Variants in SNX29 observed in about 807,000 individuals in gnomAD.
The protein encoded by SNX29 is sorting nexin-29.
Under a neutral mutation model 102.1 loss-of-function variants are expected in SNX29, and 78 were observed. That is an observed-to-expected ratio of 0.76 (90% CI 0.64 to 0.92). SNX29 has a LOEUF of 0.92. SNX29 is among the 40% of genes least tolerant of loss of function. The pLI, the probability that SNX29 is intolerant of heterozygous loss-of-function variation, is 0.00. For synonymous variants in SNX29, 580 were observed against 414.5 expected, an observed-to-expected ratio of 1.40 and a Z score of -4.85; for missense variants, 1,280 against 1,061.7, an observed-to-expected ratio of 1.21 and a Z score of -2.86.
intron 20 of SNX29, among the ~76,000 whole-genome samples, chr16:12,548,487 T>G (rs989542666): frequency 6.6e-6 from 1 of 152,222 alleles, no homozygotes; most frequent in African/African-American, 2.4e-5. Flanking sequence ...TCAGGATGAC[T>G]AGTCAGGGTT....
At chr16:12,510,323 A>G (rs1415219523) in intron 19 of SNX29, among the ~76,000 whole-genome samples, 1 of 152,184 alleles carries the variant, frequency 6.6e-6, no homozygotes, top group Non-Finnish European at 1.5e-5. Flanking sequence ...TGGACCGTGG[A>G]GGCCCTGGCA....
intron 15 of SNX29, among the ~76,000 whole-genome samples, chr16:12,342,985 A>C (rs1331156642): frequency 6.6e-6 from 1 of 152,236 alleles, no homozygotes; most frequent in Non-Finnish European, 1.5e-5. Flanking sequence ...GTTGGGTGTG[A>C]GAAAGAGACT....
At chr16:12,553,828 C>G (rs980121453) in intron 20 of SNX29, among the ~76,000 whole-genome samples, 69 of 151,966 alleles carry the variant, frequency 4.5e-4, no homozygotes, top group African/African-American at 1.5e-3. Flanking sequence ...CCTTGTGATC[C>G]ACCCACCTAG....
intron 14 of SNX29, among the ~76,000 whole-genome samples, chr16:12,240,163 T>C (rs1327296964): frequency 2.0e-5 from 3 of 152,256 alleles, no homozygotes; most frequent in African/African-American, 4.8e-5. Context: ...TTTGTTGTTA[T>C]TACTGCCATG....
intron 15 of SNX29, among the ~76,000 whole-genome samples, chr16:12,327,877 A>G (rs1416872154): frequency 6.6e-6 from 1 of 152,176 alleles, no homozygotes; most frequent in African/African-American, 2.4e-5. Context: ...ACTGAGGGCC[A>G]GGTGGACAGG....
At chr16:12,328,901 A>G (rs905812813) in intron 15 of SNX29, among the ~76,000 whole-genome samples, 1 of 152,172 alleles carries the variant, frequency 6.6e-6, no homozygotes, top group Non-Finnish European at 1.5e-5. Context: ...TGATGTCGGG[A>G]CACTGTCTCC....
At position 12,227,148 on chromosome 16, in the gene SNX29, A is replaced by AC. The variant is rs1309652830; in HGVS notation, c.1678+27465_1678+27466insC. Among the ~76,000 whole-genome samples the AC allele has an allele frequency of 4.8e-3, 5 of 1,048 alleles. No homozygotes were observed. The Admixed American group carries it at 0.062, about 13-fold the overall frequency. 0.7% of individuals were successfully genotyped at this position (1,048 alleles called of 152,430 possible). On this transcript the variant is annotated intron_variant, in intron 14 of 20. Coordinates refer to ENST00000566228, the MANE Select transcript of SNX29 (RefSeq NM_032167.5). ...TGCAGTGCATCTGGGGGTCTGGCGGATTGGGTGCTGCTTTTCTGGGGACAT... is the reference window on the plus strand; with the variant it reads ...TGCAGTGCATCTGGGGGTCTGGCGGACTTGGGTGCTGCTTTTCTGGGGACAT...
rs777713663 is a variant in SNX29, at chr16:12,568,470, C to A, written c.2319-36C>A. The A allele has an allele frequency of 1.6e-5, 26 of 1,605,548 alleles. No homozygotes were observed. The South Asian group carries it at 1.9e-4, about 12-fold the overall frequency. On this transcript the variant is annotated intron_variant, in intron 20 of 20. Coordinates refer to ENST00000566228, the MANE Select transcript of SNX29 (RefSeq NM_032167.5). ...GGCCTGTGGTCATTTGCTTTTCATC[C>A]CCAGACTTAACCCGATTCTCTCCCT... is the stretch of plus-strand genomic sequence containing the variant.
intron 15 of SNX29, among the ~76,000 whole-genome samples, chr16:12,344,888 G>C (rs1351711581): frequency 6.6e-6 from 1 of 152,220 alleles, no homozygotes; most frequent in African/African-American, 2.4e-5. Flanking sequence ...GAAAGGAGAG[G>C]CCAGCAGAGC....
chr16:12,396,501 G>T (rs535054281), intron 16 of SNX29, among the ~76,000 whole-genome samples: 1 of 152,308 alleles, frequency 6.6e-6, no homozygotes, highest in African/African-American at 2.4e-5. Context: ...CCCATAGCGT[G>T]CCCAGAAGAG....
intron 13 of SNX29, among the ~76,000 whole-genome samples, chr16:12,147,159 C>A (rs892813562): frequency 6.6e-6 from 1 of 152,222 alleles, no homozygotes; most frequent in Non-Finnish European, 1.5e-5. Flanking sequence ...AATGGTTGAG[C>A]GTCAGAGTCA....
intron 14 of SNX29, among the ~76,000 whole-genome samples, chr16:12,228,141 G>A (rs1485593424): frequency 3.3e-5 from 5 of 152,100 alleles, no homozygotes; most frequent in Non-Finnish European, 5.9e-5. Context: ...AGACCTTACC[G>A]TCTCAGAGTC....
chr16:12,540,047 TGTGTCCCAGATCATGCTTTTG>T (rs935735553), intron 20 of SNX29, among the ~76,000 whole-genome samples: 4 of 152,364 alleles, frequency 2.6e-5, no homozygotes, highest in South Asian at 2.1e-4. Context: ...ATTTACTTTT[TGTGTCCCAGATCATGCTTTTG>T]GTGTCATGTC....
intron 18 of SNX29, among the ~76,000 whole-genome samples, chr16:12,438,200 G>A (rs1379287224): frequency 2.0e-5 from 3 of 152,142 alleles, no homozygotes; most frequent in East Asian, 1.9e-4. Context: ...GATGCATCAG[G>A]TGACTTGAAG....
At chr16:12,403,595 G>A in intron 18 of SNX29, 66 bp downstream of exon 18, 1 of 1,473,870 alleles carries the variant, frequency 6.8e-7, no homozygotes, top group Non-Finnish European at 9.3e-7. Flanking sequence ...TCATGCTGTG[G>A]TGCTTTTTGC....
intron 18 of SNX29, among the ~76,000 whole-genome samples, chr16:12,468,523 C>A (rs1031806388): frequency 6.6e-6 from 1 of 152,004 alleles, no homozygotes; most frequent in Admixed American, 6.5e-5. Flanking sequence ...CAACCCCACT[C>A]CCAGGCGTGG....
chr16:12,008,035 C>T (rs947293272), intron 3 of SNX29, among the ~76,000 whole-genome samples: 3 of 152,132 alleles, frequency 2.0e-5, no homozygotes, highest in Non-Finnish European at 4.4e-5. Flanking sequence ...GCTCTGCCTC[C>T]CAGGTTCACG....
chr16:12,419,824 G>A lies in SNX29; in HGVS notation c.2037+16295G>A, dbSNP rs1055497185. Among the ~76,000 whole-genome samples, 16 of 152,328 alleles carry A rather than the reference G, an allele frequency of 1.1e-4. No homozygotes were observed. The South Asian group carries it at 3.1e-3, about 30-fold the overall frequency. ...TGGGTAGGTGTGATACTGGGTCGGT[G>A]TCGTGTACCTACTCCTAAAGCCATA... On this transcript the variant is annotated intron_variant, in intron 18 of 20. Transcript: ENST00000566228.
At chr16:12,110,430 A>G (rs1179099883) in intron 11 of SNX29, among the ~76,000 whole-genome samples, 4 of 152,112 alleles carry the variant, frequency 2.6e-5, no homozygotes, top group Non-Finnish European at 5.9e-5. Flanking sequence ...TGGGTTTTGC[A>G]CAGATGACTC....
Sources: allele counts gnomAD v4.1 joint callset (sites outside exome capture counted in the v4.1 genomes callset), GRCh38; gene constraint gnomAD v4.1.1; transcripts MANE v1.5; gene names NCBI Gene and HGNC (gene_info 2026-07-23, HGNC 2026-07-21).